Variants in WSCD2 observed in about 807,000 individuals in gnomAD.
WSCD2 encodes the protein WSC domain sialate O sulfotransferase 2, also known as sialate:O-sulfotransferase 2.
WSCD2 carries 28 observed loss-of-function variants against 55.7 expected under a neutral mutation model. The ratio of observed to expected loss-of-function variants is 0.50; its 90% CI spans 0.37 to 0.69. The LOEUF is 0.69. WSCD2 is among the 30% of genes least tolerant of loss of function. The pLI, the probability that WSCD2 is intolerant of heterozygous loss-of-function variation, is 0.00. For synonymous variants in WSCD2, 301 were observed against 301.9 expected, an observed-to-expected ratio of 1.00 and a Z score of 0.03; for missense variants, 616 against 762.1, an observed-to-expected ratio of 0.81 and a Z score of 2.26.
intron 4 of WSCD2, among the ~76,000 whole-genome samples, chr12:108,224,169 C>T (rs1309226681): frequency 6.6e-6 from 1 of 152,214 alleles, no homozygotes; most frequent in Non-Finnish European, 1.5e-5. Context: ...AAGGGATTGC[C>T]TCTGACATGT....
chr12:108,164,719 T>C (rs1879439293), intron 1 of WSCD2, among the ~76,000 whole-genome samples: 1 of 152,168 alleles, frequency 6.6e-6, no homozygotes, highest in Non-Finnish European at 1.5e-5. Context: ...TGAATCTAAC[T>C]TGAGGAATGC....
At chr12:108,236,101 T>C (rs1352149440) in intron 7 of WSCD2, among the ~76,000 whole-genome samples, 1 of 152,242 alleles carries the variant, frequency 6.6e-6, no homozygotes, top group Admixed American at 6.5e-5. Context: ...TTGCACGTGC[T>C]ATCATCTGTA....
At chr12:108,139,724 A>G (rs1876589543) in intron 1 of WSCD2, among the ~76,000 whole-genome samples, 1 of 152,268 alleles carries the variant, frequency 6.6e-6, no homozygotes. Flanking sequence ...TACCTAGCAC[A>G]TAGTAAATGC....
chr12:108,189,910 A>C (rs2137027916), intron 1 of WSCD2: 1 of 152,336 alleles, frequency 6.6e-6, no homozygotes, highest in East Asian at 1.9e-4. Context: ...CGTGAAGGAA[A>C]ATAGAGTCCT....
rs950568945 is a variant in WSCD2, at chr12:108,210,167, G to A, written c.544G>A (p.Gly182Ser). The change falls in exon 4 of 9, where the codon GGC becomes AGC. Residue 182 changes from glycine (G) to serine (S), a missense_variant. By Grantham distance (56) the Gly-to-Ser change is moderately conservative. Transcript: ENST00000547525. This position sits in a 1 kb window ranked among gnomAD's most constrained non-coding sequence, Gnocchi z 4.3. ...GGAGTTCGGCGCCGAGTGCTACTGC[G>A]GCCACAAGATCCAGGCGACGAACGT... ...GLEFGAECYC[G>S]HKIQATNVSE... 7 of 1,614,146 alleles carry A rather than the reference G, an allele frequency of 4.3e-6. No individual in the cohort carries two copies. The highest frequency in any genetic ancestry group is 4.5e-5 in the East Asian group (2 of 44,880).
chr12:108,195,754 C>T lies in WSCD2; in HGVS notation c.-79C>T. 6.6e-7 allele frequency: 1 copy of T among 1,517,592 alleles called. No individual in the cohort carries two copies. Among genetic ancestry groups the T allele is most frequent in the Non-Finnish European group, 8.8e-7 (1 of 1,133,356 alleles). 94.0% of individuals were successfully genotyped at this position (1,517,592 alleles called of 1,614,324 possible). A position where few individuals can be genotyped will look rare whatever the true frequency, so the allele number is the denominator to read the frequency against. On this transcript the variant is annotated 5_prime_UTR_variant, in exon 2 of 9. Coordinates refer to ENST00000547525, the MANE Select transcript of WSCD2 (RefSeq NM_014653.4). Reference sequence around the variant, plus strand: ...CCAAGTGTTCCATCCCTAAGGAAAGCTTGGGAAACCAAGCCCCTTCCATCC... The same window carrying T: ...CCAAGTGTTCCATCCCTAAGGAAAGTTTGGGAAACCAAGCCCCTTCCATCC...
intron 1 of WSCD2, among the ~76,000 whole-genome samples, chr12:108,153,294 C>T (rs1229952382): frequency 6.6e-6 from 1 of 152,146 alleles, no homozygotes; most frequent in Non-Finnish European, 1.5e-5. Context: ...GAATTCAAGT[C>T]AAGAAAATAA....
intron 1 of WSCD2, chr12:108,167,572 A>T (rs898435884): frequency 1.3e-5 from 2 of 152,184 alleles, no homozygotes; most frequent in African/African-American, 4.8e-5. Flanking sequence ...TTCGCAAGGG[A>T]TTGCTTCAGG....
chr12:108,240,051 A>T (rs985253369), intron 7 of WSCD2, among the ~76,000 whole-genome samples: 1 of 152,132 alleles, frequency 6.6e-6, no homozygotes, highest in Non-Finnish European at 1.5e-5. Context: ...GCCCTTTTGT[A>T]ACACTCACCA....
chr12:108,158,531 G>A (rs1478176835), intron 1 of WSCD2, among the ~76,000 whole-genome samples: 1 of 152,142 alleles, frequency 6.6e-6, no homozygotes, highest in Non-Finnish European at 1.5e-5. Context: ...AACAGCCCTA[G>A]ATGCAAGGCC....
chr12:108,206,664 A>C (rs1885420072), intron 3 of WSCD2, among the ~76,000 whole-genome samples: 1 of 152,256 alleles, frequency 6.6e-6, no homozygotes, highest in Admixed American at 6.5e-5. Context: ...ATTTTGTAGC[A>C]TACAGGGTAC....
intron 4 of WSCD2, among the ~76,000 whole-genome samples, chr12:108,212,738 C>T (rs974808880): frequency 1.3e-5 from 2 of 152,104 alleles, no homozygotes; most frequent in Admixed American, 1.3e-4. Context: ...CAATGCTGCA[C>T]CCCTCACCTG....
chr12:108,220,109 C>A (rs1887317133), intron 4 of WSCD2, among the ~76,000 whole-genome samples: 1 of 152,160 alleles, frequency 6.6e-6, no homozygotes, highest in African/African-American at 2.4e-5. Flanking sequence ...CAGCCCAGGA[C>A]AGTGCAAACT....
In WSCD2 at chr12:108,248,536, C is replaced by T; in HGVS notation, c.*193C>T. On this transcript the variant is annotated 3_prime_UTR_variant, in exon 9 of 9. Coordinates refer to ENST00000547525, the MANE Select transcript of WSCD2 (RefSeq NM_014653.4). The surrounding 1 kb of genome is among the most constrained non-coding windows in gnomAD (Gnocchi z 4.3). Reference sequence around the variant, plus strand: ...GGAAGAGATTGCCCAGGCACTACCACTCTGCTCACATGTTCCCCCCTTGGC... The same window carrying T: ...GGAAGAGATTGCCCAGGCACTACCATTCTGCTCACATGTTCCCCCCTTGGC... 2 of 1,410,326 alleles carry T rather than the reference C, an allele frequency of 1.4e-6. No homozygotes were observed. The highest frequency in any genetic ancestry group is 1.8e-6 in the Non-Finnish European group (2 of 1,085,446). The allele number at this position is 1,410,326 out of a possible 1,614,324, so 87.4% of individuals were successfully genotyped here.
intron 1 of WSCD2, among the ~76,000 whole-genome samples, chr12:108,184,610 G>A (rs958025198): frequency 3.3e-5 from 5 of 152,138 alleles, no homozygotes; most frequent in Non-Finnish European, 7.4e-5. Context: ...GCCTGGCTGT[G>A]TGACTCTGGA....
intron 1 of WSCD2, among the ~76,000 whole-genome samples, chr12:108,191,246 T>A (rs1176473343): frequency 1.3e-5 from 2 of 152,204 alleles, no homozygotes; most frequent in African/African-American, 4.8e-5. Context: ...AAACACAGTA[T>A]CCAGCATATA....
chr12:108,243,504 G>A (rs1489016946), intron 8 of WSCD2, among the ~76,000 whole-genome samples: 1 of 152,190 alleles, frequency 6.6e-6, no homozygotes, highest in Non-Finnish European at 1.5e-5. Flanking sequence ...GAAGTGCTGG[G>A]ATTACAGGCG....
At chr12:108,178,425 C>T (rs957565520) in intron 1 of WSCD2, among the ~76,000 whole-genome samples, 2 of 152,174 alleles carry the variant, frequency 1.3e-5, no homozygotes, top group African/African-American at 2.4e-5. Context: ...CTTTGGCTCG[C>T]TTCTAGGCCT....
chr12:108,200,928 G>T (rs1884592660), intron 2 of WSCD2, among the ~76,000 whole-genome samples: 1 of 151,972 alleles, frequency 6.6e-6, no homozygotes, highest in South Asian at 2.1e-4. Flanking sequence ...GCACTGGGTG[G>T]TCTTCTGGAG....
Sources: allele counts gnomAD v4.1 joint callset (sites outside exome capture counted in the v4.1 genomes callset), GRCh38; gene constraint gnomAD v4.1.1; non-coding constraint Gnocchi (gnomAD v3.1); transcripts MANE v1.5; gene names NCBI Gene and HGNC (gene_info 2026-07-23, HGNC 2026-07-21).